The following CADM2 variants were observed in gnomAD, a reference collection of about 807,000 sequenced individuals.
CADM2 encodes the protein immunoglobulin superfamily member 4D.
A neutral mutation model predicts 49.8 loss-of-function variants in CADM2; 12 were observed. The ratio of observed to expected loss-of-function variants is 0.24; its 90% confidence interval spans 0.15 to 0.39. The LOEUF (loss-of-function observed/expected upper bound fraction) is 0.39, where lower values mean the gene tolerates loss of function less well. Among genes scored for constraint, CADM2 ranks in the 10% least tolerant of loss-of-function variants. The probability of loss-of-function intolerance (pLI) is 1.00; values close to 1 mark genes in which losing one functional copy is unlikely to be tolerated. For missense variants in CADM2, 378 were observed against 492.3 expected, an observed-to-expected ratio of 0.77 and a Z score of 2.20; for synonymous variants, 214 against 175.4, an observed-to-expected ratio of 1.22 and a Z score of -1.74.
intron 1 of CADM2, among the ~76,000 whole-genome samples, chr3:85,625,716 A>G (rs965214334): frequency 1.3e-5 from 2 of 151,982 alleles, no homozygotes; most frequent in Non-Finnish European, 2.9e-5. Context: ...ACTTCACATG[A>G]GTAATAAATT....
chr3:85,454,073 G>A (rs113374190), intron 1 of CADM2, among the ~76,000 whole-genome samples: 11 of 152,178 alleles, frequency 7.2e-5, no homozygotes, highest in African/African-American at 2.6e-4. Flanking sequence ...AAATACAAGC[G>A]GCTGGGCGTG....
intron 1 of CADM2, among the ~76,000 whole-genome samples, chr3:85,542,552 A>C (rs1466745884): frequency 6.6e-6 from 1 of 152,188 alleles, no homozygotes; most frequent in African/African-American, 2.4e-5. Context: ...ATCAGTCATA[A>C]GAATGGTTTT....
chr3:85,618,712 T>A (rs1235366437), intron 1 of CADM2, among the ~76,000 whole-genome samples: 2 of 152,112 alleles, frequency 1.3e-5, no homozygotes, highest in African/African-American at 2.4e-5. Flanking sequence ...AGATATACTA[T>A]TAATTCTATG....
At chr3:85,358,836 T>C (rs369367377) in intron 1 of CADM2, among the ~76,000 whole-genome samples, 1 of 151,744 alleles carries the variant, frequency 6.6e-6, no homozygotes, top group Non-Finnish European at 1.5e-5. Flanking sequence ...TAGTGGCTGG[T>C]TAACCAAACA....
chr3:85,338,011 G>A (rs998833422), intron 1 of CADM2, among the ~76,000 whole-genome samples: 7 of 151,596 alleles, frequency 4.6e-5, no homozygotes, highest in African/African-American at 9.7e-5. Flanking sequence ...ACTGCCTTAA[G>A]CATCATTGCC....
At chr3:85,274,096 G>A (rs1266504565) in intron 1 of CADM2, among the ~76,000 whole-genome samples, 5 of 151,464 alleles carry the variant, frequency 3.3e-5, no homozygotes, top group African/African-American at 1.2e-4. Flanking sequence ...TTGCAAATAG[G>A]ATTTAGCAGT....
chr3:86,041,551 A>G (rs1349846845), intron 8 of CADM2, among the ~76,000 whole-genome samples: 1 of 152,184 alleles, frequency 6.6e-6, no homozygotes, highest in Non-Finnish European at 1.5e-5. Flanking sequence ...ATATATATGC[A>G]CCCAATATAG....
intron 1 of CADM2, among the ~76,000 whole-genome samples, chr3:85,715,383 T>C (rs1381852100): frequency 6.6e-6 from 1 of 152,196 alleles, no homozygotes; most frequent in East Asian, 1.9e-4. Context: ...CATTTTAAAA[T>C]AGATTAGTGA....
intron 1 of CADM2, among the ~76,000 whole-genome samples, chr3:85,537,490 TTGTTTGTGTGTG>T (rs1559894802): frequency 3.0e-5 from 4 of 133,996 alleles, no homozygotes; most frequent in Admixed American, 7.3e-5. Flanking sequence ...GCATGCATGG[TTGTTTGTGTGTG>T]TGTGTGTGTG....
At chr3:85,259,685 C>T (rs1186352024) in intron 1 of CADM2, among the ~76,000 whole-genome samples, 3 of 152,072 alleles carry the variant, frequency 2.0e-5, no homozygotes, top group Non-Finnish European at 4.4e-5. Context: ...AAACAATTAT[C>T]CAAATCACTC....
At chr3:85,486,749 G>A (rs2039433209) in intron 1 of CADM2, among the ~76,000 whole-genome samples, 1 of 152,086 alleles carries the variant, frequency 6.6e-6, no homozygotes, top group Non-Finnish European at 1.5e-5. Flanking sequence ...AAAACTCTCA[G>A]GAGGCAAGAG....
intron 1 of CADM2, among the ~76,000 whole-genome samples, chr3:85,282,596 C>G (rs74891132): frequency 2.0e-5 from 3 of 151,804 alleles, no homozygotes; most frequent in African/African-American, 7.3e-5. Flanking sequence ...TACCTTTAAA[C>G]TGAAACTTAT....
At chr3:85,548,971 G>A (rs2061733598) in intron 1 of CADM2, among the ~76,000 whole-genome samples, 1 of 152,166 alleles carries the variant, frequency 6.6e-6, no homozygotes, top group Non-Finnish European at 1.5e-5. Flanking sequence ...GAATGCTTAA[G>A]TTTGCAAAAT....
chr3:85,447,031 T>TATGC (rs1322558333), intron 1 of CADM2, among the ~76,000 whole-genome samples: 1 of 132,038 alleles, frequency 7.6e-6, no homozygotes, highest in Non-Finnish European at 1.6e-5. Flanking sequence ...TATATATATA[T>TATGC]GCTTAGTATA....
chr3:85,285,879 T>C lies in CADM2; in HGVS notation c.61+326211T>C, dbSNP rs2043622307. Among the ~76,000 whole-genome samples, 7 of 152,154 alleles carry C rather than the reference T, an allele frequency of 4.6e-5. No homozygotes were observed. The South Asian group carries it at 1.4e-3, about 32-fold the overall frequency. ...CTCTATGTAGTGACTTGTATGAATA[T>C]AAAAGAAAGTTTGAATTTCAGTTTC... On this transcript the variant is annotated intron_variant, in intron 1 of 9. Transcript: ENST00000383699.
In CADM2 at chr3:85,454,100, A is replaced by C. The variant is rs568671342; in HGVS notation, c.62-272422A>C. Among the ~76,000 whole-genome samples the C allele has an allele frequency of 2.6e-5, 4 of 152,274 alleles. No individual in the cohort carries two copies. In the East Asian group the frequency reaches 7.8e-4, roughly 30 times the overall value. ...CTGGGCGTGGAGGCTCACGCCCGTA[A>C]TCCAAGCATTTTGGGAGGCCGAGAC... is the stretch of plus-strand genomic sequence containing the variant. On this transcript the variant is annotated intron_variant, in intron 1 of 9. Coordinates refer to ENST00000383699, the MANE Select transcript of CADM2 (RefSeq NM_001167675.2).
At chr3:85,232,952 T>C (rs1035129661) in intron 1 of CADM2, among the ~76,000 whole-genome samples, 4 of 152,192 alleles carry the variant, frequency 2.6e-5, no homozygotes, top group Admixed American at 6.6e-5. Flanking sequence ...CTAATATTTA[T>C]AGTAACTTTA....
chr3:86,064,758 C>A (rs1032130597), intron 8 of CADM2, among the ~76,000 whole-genome samples: 1 of 152,178 alleles, frequency 6.6e-6, no homozygotes, highest in African/African-American at 2.4e-5. Flanking sequence ...TTCATTTCTT[C>A]TTGAAAACTG....
chr3:85,663,470 A>G (rs1179037967), intron 1 of CADM2, among the ~76,000 whole-genome samples: 1 of 151,904 alleles, frequency 6.6e-6, no homozygotes, highest in East Asian at 1.9e-4. Flanking sequence ...TTTTCCTGAG[A>G]AAAATAAAAG....
Sources: gnomAD v4.1 joint callset for allele counts (sites outside exome capture counted in the v4.1 genomes callset) on GRCh38, gnomAD v4.1.1 for gene constraint, MANE v1.5 for transcripts, NCBI Gene and HGNC (gene_info 2026-07-23, HGNC 2026-07-21) for gene names.